SLC12A8: variants seen among roughly 807,000 people sequenced by gnomAD.
SLC12A8 encodes the protein cation-chloride cotransporter 9.
Under a neutral mutation model 75.6 loss-of-function variants are expected in SLC12A8, and 69 were observed. The observed-to-expected ratio is 0.91, with a 90% CI of 0.75 to 1.11. SLC12A8 has a LOEUF of 1.11. SLC12A8 is among the 50% of genes most tolerant of loss of function. SLC12A8 has a pLI of 0.00. For synonymous variants in SLC12A8, 365 were observed against 372.8 expected, an observed-to-expected ratio of 0.98 and a Z score of 0.24; for missense variants, 877 against 896.7, an observed-to-expected ratio of 0.98 and a Z score of 0.28.
At chr3:125,131,948 G>A (rs2981511) in intron 6 of SLC12A8, among the ~76,000 whole-genome samples, 6 of 152,112 alleles carry the variant, frequency 3.9e-5, no homozygotes, top group African/African-American at 1.2e-4. Context: ...CCCCCAGAAG[G>A]AAAGGTTTGG....
intron 8 of SLC12A8, 24 bp from the exon 9 acceptor site, chr3:125,110,359 G>C: frequency 6.2e-7 from 1 of 1,605,392 alleles, no homozygotes; most frequent in African/African-American, 1.3e-5. Context: ...GGTTTCATTC[G>C]CCAGTGCCAG....
chr3:125,123,326 T>C (rs1056885086), intron 6 of SLC12A8, among the ~76,000 whole-genome samples: 3 of 135,920 alleles, frequency 2.2e-5, no homozygotes, highest in African/African-American at 8.5e-5. Context: ...AGTGAGCGGA[T>C]ATCATGCCAC....
chr3:125,115,729 G>C (rs2107747539), intron 8 of SLC12A8, among the ~76,000 whole-genome samples: 1 of 152,208 alleles, frequency 6.6e-6, no homozygotes, highest in Non-Finnish European at 1.5e-5. Flanking sequence ...GCCCCCGAGA[G>C]AGAGGAGTGC....
chr3:125,157,574 C>A (rs978658733), intron 5 of SLC12A8, among the ~76,000 whole-genome samples: 3 of 152,206 alleles, frequency 2.0e-5, no homozygotes, highest in African/African-American at 7.2e-5. Context: ...CCCTCTGTCC[C>A]CAAACCCTGT....
intron 2 of SLC12A8, among the ~76,000 whole-genome samples, chr3:125,191,077 C>G (rs1322701507): frequency 6.6e-6 from 1 of 152,182 alleles, no homozygotes; most frequent in Non-Finnish European, 1.5e-5. Context: ...TTCAGCCCTT[C>G]TAACACCTCT....
intron 11 of SLC12A8, 97 bp from the exon 12 acceptor site, chr3:125,091,653 A>C: frequency 1.2e-6 from 1 of 803,162 alleles, no homozygotes; most frequent in Non-Finnish European, 2.2e-6. Flanking sequence ...ATTCCCTCTC[A>C]TCAACTTCTG....
At chr3:125,131,085 A>T (rs702047) in intron 6 of SLC12A8, among the ~76,000 whole-genome samples, 122,367 of 152,192 alleles carry the variant, frequency 0.8, 50,548 homozygotes, top group Middle Eastern at 0.95. Flanking sequence ...GGGAAACATC[A>T]TCAGATGTTA....
chr3:125,148,204 C>G (rs1933832244), intron 5 of SLC12A8, among the ~76,000 whole-genome samples: 1 of 152,216 alleles, frequency 6.6e-6, no homozygotes, highest in South Asian at 2.1e-4. Flanking sequence ...CACTTGCCAA[C>G]TCGCTATGGG....
chr3:125,178,101 T>C, intron 4 of SLC12A8, 127 bp from the exon 5 acceptor site: 1 of 771,272 alleles, frequency 1.3e-6, no homozygotes, highest in Non-Finnish European at 2.2e-6. Flanking sequence ...GCACAGTGCC[T>C]GGGACCAGTG....
intron 13 of SLC12A8, among the ~76,000 whole-genome samples, chr3:125,084,438 G>C (rs1938408101): frequency 6.6e-6 from 1 of 151,914 alleles, no homozygotes; most frequent in African/African-American, 2.4e-5. Context: ...ATTGAGAAGA[G>C]CAGAAAGAGA....
intron 13 of SLC12A8, among the ~76,000 whole-genome samples, chr3:125,086,509 C>T (rs1387469076): frequency 6.6e-6 from 1 of 152,188 alleles, no homozygotes; most frequent in African/African-American, 2.4e-5. Context: ...CCAGAAATGA[C>T]TAAAAATATT....
At chr3:125,101,368 A>G (rs370612179) in intron 10 of SLC12A8, among the ~76,000 whole-genome samples, 30 of 152,386 alleles carry the variant, frequency 2.0e-4, no homozygotes, top group African/African-American at 7.2e-4. Context: ...ATACTTAACA[A>G]TAAGAATTCA....
At chr3:125,151,394 T>C (rs1223033326) in intron 5 of SLC12A8, 2 of 154,158 alleles carry the variant, frequency 1.3e-5, no homozygotes, top group African/African-American at 4.8e-5. Context: ...AAGAAACTCA[T>C]GGAAAGGGAA....
intron 2 of SLC12A8, among the ~76,000 whole-genome samples, chr3:125,204,479 C>A (rs1032528232): frequency 6.6e-6 from 1 of 152,074 alleles, no homozygotes; most frequent in East Asian, 1.9e-4. Context: ...TAACCAGGAA[C>A]AGAAAGACAG....
chr3:125,176,430 C>G (rs1466549224), intron 5 of SLC12A8, among the ~76,000 whole-genome samples: 2 of 152,060 alleles, frequency 1.3e-5, no homozygotes, highest in African/African-American at 2.4e-5. Context: ...GACTTCATGT[C>G]TAAAACACCA....
At chr3:125,114,549 C>T (rs960274252) in intron 8 of SLC12A8, among the ~76,000 whole-genome samples, 11 of 152,160 alleles carry the variant, frequency 7.2e-5, no homozygotes, top group Admixed American at 2.0e-4. Flanking sequence ...CTCAGCCTCT[C>T]GAGTAGCTGG....
intron 5 of SLC12A8, among the ~76,000 whole-genome samples, chr3:125,172,584 C>T (rs1262194811): frequency 6.6e-6 from 1 of 152,176 alleles, no homozygotes; most frequent in Non-Finnish European, 1.5e-5. Context: ...AAGTCACACC[C>T]AAATTACTGG....
At chr3:125,095,853 T>C (rs1158539797) in intron 10 of SLC12A8, among the ~76,000 whole-genome samples, 1 of 152,244 alleles carries the variant, frequency 6.6e-6, no homozygotes, top group Non-Finnish European at 1.5e-5. Context: ...TTTTGGTTAT[T>C]TGTTTAGCCT....
At chr3:125,122,420 T>C (rs142213365) in intron 6 of SLC12A8, among the ~76,000 whole-genome samples, 100 of 152,264 alleles carry the variant, frequency 6.6e-4, no homozygotes, top group African/African-American at 2.4e-3. Flanking sequence ...CTCTCCAAGA[T>C]CCTATTAAGA....
Sources: gnomAD v4.1 joint callset for allele counts (sites outside exome capture counted in the v4.1 genomes callset) on GRCh38, gnomAD v4.1.1 for gene constraint, MANE v1.5 for transcripts, NCBI Gene and HGNC (gene_info 2026-07-23, HGNC 2026-07-21) for gene names.